MOGAT2: variants seen among roughly 807,000 people sequenced by gnomAD.
The protein encoded by MOGAT2 is 2-acylglycerol O-acyltransferase 2.
In MOGAT2, 27 loss-of-function variants were observed where a neutral mutation model predicts 31.5. That is an observed-to-expected ratio of 0.86 (90% CI 0.63 to 1.18). The LOEUF is 1.18. Ranked by LOEUF, MOGAT2 falls within the 50% of genes most tolerant of loss-of-function variation. The probability of loss-of-function intolerance (pLI) is 0.00; values close to 1 mark genes in which losing one functional copy is unlikely to be tolerated. For synonymous variants in MOGAT2, 163 were observed against 170.0 expected, an observed-to-expected ratio of 0.96 and a Z score of 0.32; for missense variants, 436 against 433.2, an observed-to-expected ratio of 1.01 and a Z score of -0.06.
At chr11:75,728,629 G>A in intron 4 of MOGAT2, 161 bp from the exon 5 acceptor site, 2 of 640,458 alleles carry the variant, frequency 3.1e-6, no homozygotes, top group Non-Finnish European at 2.7e-6. Flanking sequence ...GAATGGGGCT[G>A]TGAAGGTCTG....
chr11:75,731,080 A>T (rs1385909519), intron 5 of MOGAT2, 52 bp from the exon 6 acceptor site: 2 of 1,556,240 alleles, frequency 1.3e-6, no homozygotes, highest in African/African-American at 2.7e-5. Flanking sequence ...GGGCACCTGC[A>T]CCGAGGGTCC....
At chr11:75,718,527 C>A (rs10899102) in intron 1 of MOGAT2, among the ~76,000 whole-genome samples, 77,411 of 151,848 alleles carry the variant, frequency 0.51, 19,897 homozygotes, top group Middle Eastern at 0.53. Flanking sequence ...CAGCCCATGC[C>A]TGACCTCTCC....
At chr11:75,720,445 G>A (rs1227925064) in intron 2 of MOGAT2, among the ~76,000 whole-genome samples, 1 of 152,188 alleles carries the variant, frequency 6.6e-6, no homozygotes, top group Admixed American at 6.5e-5. Context: ...ATGGTGTGAG[G>A]CATGCCTATG....
At chr11:75,726,572 G>A (rs781764125) in intron 2 of MOGAT2, among the ~76,000 whole-genome samples, 1 of 152,040 alleles carries the variant, frequency 6.6e-6, no homozygotes, top group Non-Finnish European at 1.5e-5. Flanking sequence ...TGTTGTTTAG[G>A]GAATACTGAT....
intron 2 of MOGAT2, among the ~76,000 whole-genome samples, chr11:75,720,713 C>T (rs1225198307): frequency 6.6e-6 from 1 of 152,120 alleles, no homozygotes; most frequent in African/African-American, 2.4e-5. Flanking sequence ...CTAACTCTGG[C>T]ATGTGGTATA....
At position 75,731,973 on chromosome 11, in the gene MOGAT2, C is replaced by G. The variant is rs1334143241; in HGVS notation, c.*687C>G. 6.6e-6 allele frequency: 1 copy of G among 152,414 alleles called. No individual in the cohort carries two copies. Among genetic ancestry groups the G allele is most frequent in the East Asian group, 1.9e-4 (1 of 5,202 alleles). 9.4% of individuals were successfully genotyped at this position (152,414 alleles called of 1,614,324 possible). On this transcript the variant is annotated 3_prime_UTR_variant, in exon 6 of 6. Coordinates refer to ENST00000198801, the MANE Select transcript of MOGAT2 (RefSeq NM_025098.4). ...TCCCCTGTTGATCCCTCATGCACAG[C>G]CACAGCGAGCTGTCTAAAACACAAA...
Position 75,731,131 on chromosome 11 carries a change from G to C in MOGAT2, c.851-1G>C, listed in dbSNP as rs1944475334. 6.2e-7 allele frequency: 1 copy of C among 1,613,510 alleles called. No individual in the cohort carries two copies. Among genetic ancestry groups the C allele is most frequent in the African/African-American group, 1.3e-5 (1 of 74,860 alleles). On this transcript the variant is annotated splice_acceptor_variant, in intron 5 of 5. Transcript: ENST00000198801. LOFTEE classifies it high-confidence loss of function. ...CCACTGCACACCTCTATGCCTTGCA[G>C]TGGGGAAGCCCATCGAGGTACAGAA...
chr11:75,720,839 C>T (rs957448718), intron 2 of MOGAT2, among the ~76,000 whole-genome samples: 3 of 152,172 alleles, frequency 2.0e-5, no homozygotes, highest in Non-Finnish European at 2.9e-5. Flanking sequence ...ACTCCTGTCA[C>T]CTCGTGGTCA....
intron 2 of MOGAT2, among the ~76,000 whole-genome samples, chr11:75,721,056 T>C (rs1045785837): frequency 1.3e-5 from 2 of 152,018 alleles, no homozygotes; most frequent in African/African-American, 4.8e-5. Flanking sequence ...GCAGGGGCAG[T>C]TGGCCCTCCT....
intron 2 of MOGAT2, among the ~76,000 whole-genome samples, chr11:75,723,392 G>C (rs1180881186): frequency 2.0e-5 from 3 of 152,158 alleles, no homozygotes; most frequent in Non-Finnish European, 4.4e-5. Context: ...TATGTCCTAA[G>C]CTGGGCCTGT....
At chr11:75,730,714 G>A (rs1035944682) in intron 5 of MOGAT2, among the ~76,000 whole-genome samples, 1 of 152,016 alleles carries the variant, frequency 6.6e-6, no homozygotes, top group Admixed American at 6.5e-5. Context: ...TTCAAGACCA[G>A]CCTGTCCAAT....
At chr11:75,728,739 G>A (rs571114870) in intron 4 of MOGAT2, 51 bp from the exon 5 acceptor site, 22 of 1,526,076 alleles carry the variant, frequency 1.4e-5, no homozygotes, top group East Asian at 9.0e-5. Context: ...CTTTCAGCTC[G>A]TGCCTTCTCT....
intron 2 of MOGAT2, among the ~76,000 whole-genome samples, chr11:75,721,889 T>G (rs1161593967): frequency 1.3e-5 from 2 of 152,188 alleles, no homozygotes; most frequent in Non-Finnish European, 2.9e-5. Context: ...CCTTGCTCCC[T>G]TCTGAGAGTC....
chr11:75,720,020 C>T lies in MOGAT2; in HGVS notation c.120C>T (p.Ala40=), dbSNP rs1036997549. 6.8e-6 allele frequency: 11 copies of T among 1,614,038 alleles called. No homozygotes were observed. The African/African-American group carries it at 9.3e-5, about 14-fold the overall frequency. The change falls in exon 2 of 6, where the codon GCC becomes GCT. Residue 40 remains alanine, a synonymous_variant. Transcript: ENST00000198801. The part of the protein sequence containing the change: ...LAEICTVGFI[A]LLFTRFWLLT... ...AGATCTGCACTGTGGGCTTCATAGCCCTCCTGTTTACAAGATTCTGGCTCC... is the reference window on the plus strand; with the variant it reads ...AGATCTGCACTGTGGGCTTCATAGCTCTCCTGTTTACAAGATTCTGGCTCC...
At chr11:75,729,081 C>A (rs1944450392) in intron 5 of MOGAT2, 92 bp downstream of exon 5, 2 of 1,236,460 alleles carry the variant, frequency 1.6e-6, no homozygotes, top group African/African-American at 1.5e-5. Flanking sequence ...CAGATTTATT[C>A]CTGCCCTAAT....
At position 75,727,618 on chromosome 11, in the gene MOGAT2, A is replaced by G. The variant is rs1435800579; in HGVS notation, c.454A>G (p.Arg152Gly). The G allele has an allele frequency of 5.0e-6, 8 of 1,613,912 alleles. No homozygotes were observed. Among genetic ancestry groups the G allele is most frequent in the Non-Finnish European group, 6.8e-6 (8 of 1,179,994 alleles). Residue 152 changes from arginine to glycine, a missense_variant, in exon 3 of 6, where the codon AGA becomes GGA. Transcript: ENST00000198801. Reference sequence around the variant, plus strand: ...CTTGTGGTTCCGGGCCCCCTTCTTCAGAGATTACATCATGTCTGCAGGTGA... The same window carrying G: ...CTTGTGGTTCCGGGCCCCCTTCTTCGGAGATTACATCATGTCTGCAGGTGA... ...LTLWFRAPFF[R>G]DYIMSAGLVT...
chr11:75,730,963 C>G, intron 5 of MOGAT2, 169 bp from the exon 6 acceptor site: 1 of 440,360 alleles, frequency 2.3e-6, no homozygotes, highest in Non-Finnish European at 3.9e-6. Flanking sequence ...GAAATCCAGC[C>G]GTTGTTATTA....
Position 75,728,972 on chromosome 11 carries a change from G to A in MOGAT2, c.833G>A (p.Arg278Gln), listed in dbSNP as rs750208208. The A allele has an allele frequency of 6.8e-6, 11 of 1,613,766 alleles. No individual in the cohort carries two copies. Among genetic ancestry groups the A allele is most frequent in the South Asian group, 6.6e-5 (6 of 91,070 alleles). ...QYSFGLIPYR[R>Q]PITTVVGKPI... ...AGCTTTGGTTTAATACCCTACCGCCGGCCCATCACCACTGTGGGTAAGTCC... is the reference window on the plus strand; with the variant it reads ...AGCTTTGGTTTAATACCCTACCGCCAGCCCATCACCACTGTGGGTAAGTCC... Residue 278 changes from arginine to glutamine, a missense_variant, in exon 5 of 6, where the codon CGG becomes CAG. Transcript: ENST00000198801.
At chr11:75,722,489 G>C (rs773475052) in intron 2 of MOGAT2, among the ~76,000 whole-genome samples, 3 of 152,200 alleles carry the variant, frequency 2.0e-5, no homozygotes, top group Non-Finnish European at 2.9e-5. Flanking sequence ...AAGCTCACCG[G>C]GGGGGAAAGG....
Sources: gnomAD v4.1 joint callset for allele counts (sites outside exome capture counted in the v4.1 genomes callset) on GRCh38, gnomAD v4.1.1 for gene constraint, MANE v1.5 for transcripts, NCBI Gene and HGNC (gene_info 2026-07-23, HGNC 2026-07-21) for gene names.